SEMA3C: variants seen among roughly 807,000 people sequenced by gnomAD.
SEMA3C encodes the protein semaphorin-3C.
In SEMA3C, 47 loss-of-function variants were observed where a neutral mutation model predicts 89.4. The ratio of observed to expected loss-of-function variants is 0.53; its 90% CI spans 0.42 to 0.67. SEMA3C has a LOEUF of 0.67. Ranked by LOEUF, SEMA3C falls within the 30% of genes least tolerant of loss-of-function variation. The probability of loss-of-function intolerance (pLI) is 0.00; values close to 1 mark genes in which losing one functional copy is unlikely to be tolerated. For synonymous variants in SEMA3C, 310 were observed against 320.2 expected, an observed-to-expected ratio of 0.97 and a Z score of 0.34; for missense variants, 839 against 929.1, an observed-to-expected ratio of 0.90 and a Z score of 1.26.
At position 80,745,200 on chromosome 7, in the gene SEMA3C, G is replaced by C; in HGVS notation, c.1950C>G (p.Phe650Leu). ...AGTTGATCTTGGCTATGGTCTGCTT[G>C]AAACTATTTTCTGTAGCAATGCAGT... is the stretch of plus-strand genomic sequence containing the variant. ...LYHCIATENSFKQTIAKINFK... is the reference protein window; with the variant it reads ...LYHCIATENSLKQTIAKINFK... Residue 650 changes from phenylalanine to leucine, a missense_variant, in exon 18 of 18, where the codon TTC becomes TTG. Transcript: ENST00000265361. The C allele has an allele frequency of 6.2e-7, 1 of 1,614,004 alleles. No individual in the cohort carries two copies. Among genetic ancestry groups the C allele is most frequent in the Non-Finnish European group, 8.5e-7 (1 of 1,179,988 alleles).
intron 5 of SEMA3C, among the ~76,000 whole-genome samples, chr7:80,813,793 G>A (rs1037230324): frequency 6.6e-6 from 1 of 151,924 alleles, no homozygotes; most frequent in Admixed American, 6.6e-5. Flanking sequence ...CACTTCTCAG[G>A]GAATTACGTA....
intron 2 of SEMA3C, among the ~76,000 whole-genome samples, chr7:80,903,008 G>A (rs1405288970): frequency 6.6e-6 from 1 of 152,284 alleles, no homozygotes; most frequent in East Asian, 1.9e-4. Context: ...AGCCCTGACA[G>A]GGTTTGATCC....
chr7:80,862,466 C>T (rs1378484112), intron 2 of SEMA3C, among the ~76,000 whole-genome samples: 8 of 152,090 alleles, frequency 5.3e-5, no homozygotes, highest in Non-Finnish European at 1.2e-4. Context: ...GGAAACACAT[C>T]CCATGCTCAT....
At chr7:80,849,604 C>A in intron 2 of SEMA3C, among the ~76,000 whole-genome samples, 1 of 152,030 alleles carries the variant, frequency 6.6e-6, no homozygotes, top group South Asian at 2.1e-4. Context: ...TACAGAGTAA[C>A]AGATATTCTT....
intron 13 of SEMA3C, among the ~76,000 whole-genome samples, chr7:80,762,226 C>T (rs1014144513): frequency 5.3e-5 from 8 of 151,820 alleles, no homozygotes; most frequent in African/African-American, 9.7e-5. Context: ...ATTGGATCCA[C>T]GGACTCAGGT....
intron 12 of SEMA3C, among the ~76,000 whole-genome samples, chr7:80,774,951 T>A (rs1016861249): frequency 5.3e-5 from 8 of 150,240 alleles, no homozygotes; most frequent in Admixed American, 4.6e-4. Flanking sequence ...CAGAGAAAAA[T>A]CCCTGAAAGG....
intron 12 of SEMA3C, among the ~76,000 whole-genome samples, chr7:80,771,837 G>A (rs1425896265): frequency 6.6e-6 from 1 of 152,136 alleles, no homozygotes; most frequent in African/African-American, 2.4e-5. Flanking sequence ...GTCAGGGCCA[G>A]CTTCATGGGT....
chr7:80,920,344 C>G (rs1212955975), upstream of SEMA3C, among the ~76,000 whole-genome samples: 2 of 152,130 alleles, frequency 1.3e-5, no homozygotes, highest in African/African-American at 4.8e-5. Context: ...ACAGAAGGAA[C>G]GTGGAGTGTA....
At chr7:80,805,128 CTGAA>C (rs1789307780) in intron 7 of SEMA3C, among the ~76,000 whole-genome samples, 1 of 151,940 alleles carries the variant, frequency 6.6e-6, no homozygotes, top group South Asian at 2.1e-4. Context: ...ATGATTTCTA[CTGAA>C]TATTAGTCCA....
chr7:80,796,364 C>A (rs1488550259), intron 11 of SEMA3C: 5 of 152,168 alleles, frequency 3.3e-5, no homozygotes, highest in Non-Finnish European at 7.3e-5. Context: ...TCTTATCCAG[C>A]ACTCCCCAGT....
Position 80,744,978 on chromosome 7 carries a change from T to G in SEMA3C, c.2172A>C (p.Lys724Asn). 1 of 1,614,110 alleles carries G rather than the reference T, an allele frequency of 6.2e-7. No homozygotes were observed. The highest frequency in any genetic ancestry group is 8.5e-7 in the Non-Finnish European group (1 of 1,179,980). Residue 724 changes from lysine to asparagine, a missense_variant, in exon 18 of 18, where the codon AAA (lysine) becomes AAC (asparagine). Transcript: ENST00000265361. Reference protein sequence around the residue: ...QQHQQGDESQKMRGDYGKLKA... With the variant: ...QQHQQGDESQNMRGDYGKLKA... ...TTAACTTGCCATAGTCCCCTCTCAT[T>G]TTCTGTGATTCATCTCCCTGCTGAT...
intron 2 of SEMA3C, among the ~76,000 whole-genome samples, chr7:80,873,239 G>A (rs1333157267): frequency 6.6e-6 from 1 of 152,214 alleles, no homozygotes; most frequent in Non-Finnish European, 1.5e-5. Flanking sequence ...GGTGAGCAGG[G>A]AAAAGTGTGG....
At chr7:80,906,438 C>G (rs1314182623) in intron 2 of SEMA3C, among the ~76,000 whole-genome samples, 2 of 152,124 alleles carry the variant, frequency 1.3e-5, no homozygotes, top group Non-Finnish European at 2.9e-5. Context: ...TAACTACATT[C>G]CTGCTACACA....
chr7:80,853,716 C>A (rs970447704), intron 2 of SEMA3C, among the ~76,000 whole-genome samples: 2 of 152,110 alleles, frequency 1.3e-5, no homozygotes, highest in Non-Finnish European at 1.5e-5. Flanking sequence ...GATAGCACAA[C>A]AGGCTAACTA....
At chr7:80,754,957 G>GTTTTTTTTTTTGTTTTTTTTTGT (rs1788027360) in intron 15 of SEMA3C, among the ~76,000 whole-genome samples, 6 of 108,384 alleles carry the variant, frequency 5.5e-5, no homozygotes, top group Non-Finnish European at 1.1e-4. Context: ...GTTTTTTTTT[G>GTTTTTTTTTTTGTTTTTTTTTGT]TTTTTTTTTT....
chr7:80,870,251 CA>C (rs1158982975), intron 2 of SEMA3C, among the ~76,000 whole-genome samples: 2 of 152,160 alleles, frequency 1.3e-5, no homozygotes, highest in African/African-American at 4.8e-5. Context: ...CTCATGTGTC[CA>C]AAGTCCATCT....
intron 13 of SEMA3C, among the ~76,000 whole-genome samples, chr7:80,764,362 T>C (rs926773433): frequency 2.0e-5 from 3 of 152,204 alleles, no homozygotes; most frequent in African/African-American, 7.2e-5. Context: ...TTTGCAATTC[T>C]AATAGCTCCT....
At chr7:80,773,908 T>C (rs1788489585) in intron 12 of SEMA3C, among the ~76,000 whole-genome samples, 1 of 152,236 alleles carries the variant, frequency 6.6e-6, no homozygotes, top group Non-Finnish European at 1.5e-5. Context: ...TTGGCAATTC[T>C]GGAAGAGAAA....
intron 5 of SEMA3C, among the ~76,000 whole-genome samples, chr7:80,812,603 T>TA (rs1789493683): frequency 6.6e-6 from 1 of 152,184 alleles, no homozygotes; most frequent in Admixed American, 6.5e-5. Flanking sequence ...GACCTACTCC[T>TA]ACATTGCACA....
Sources: allele counts gnomAD v4.1 joint callset (sites outside exome capture counted in the v4.1 genomes callset), GRCh38; gene constraint gnomAD v4.1.1; transcripts MANE v1.5; gene names NCBI Gene and HGNC (gene_info 2026-07-23, HGNC 2026-07-21).